Variants in MRC2 observed in about 807,000 individuals in gnomAD.
MRC2 encodes the protein C-type mannose receptor 2.
Under a neutral mutation model 206.2 loss-of-function variants are expected in MRC2, and 84 were observed. The ratio of observed to expected loss-of-function variants is 0.41; its 90% CI spans 0.34 to 0.49. The LOEUF (loss-of-function observed/expected upper bound fraction) is 0.49, where lower values mean the gene tolerates loss of function less well. Among genes scored for constraint, MRC2 ranks in the 20% least tolerant of loss-of-function variants. The pLI is 0.31. For missense variants in MRC2, 1,676 were observed against 2,001.5 expected, an observed-to-expected ratio of 0.84 and a Z score of 3.10; for synonymous variants, 798 against 800.0, an observed-to-expected ratio of 1.00 and a Z score of 0.04.
intron 1 of MRC2, among the ~76,000 whole-genome samples, chr17:62,640,286 G>A (rs879762740): frequency 3.3e-5 from 5 of 152,034 alleles, no homozygotes; most frequent in Admixed American, 2.0e-4. Context: ...TATTCATTCA[G>A]TTAACTGGTG....
intron 6 of MRC2, among the ~76,000 whole-genome samples, chr17:62,669,192 C>T (rs373574803): frequency 6.6e-6 from 1 of 151,802 alleles, no homozygotes; most frequent in East Asian, 1.9e-4. Context: ...GGAAGTCTTG[C>T]CAATGATCGA....
In MRC2 at chr17:62,627,883, C is replaced by G; in HGVS notation, c.81C>G (p.Leu27=). 6.8e-7 allele frequency: 1 copy of G among 1,473,080 alleles called. No homozygotes were observed. The highest frequency in any genetic ancestry group is 8.9e-7 in the Non-Finnish European group (1 of 1,118,730). 91.3% of individuals were successfully genotyped at this position (1,473,080 alleles called of 1,614,324 possible). Residue 27 remains leucine, a synonymous_variant, in exon 1 of 30, where the codon CTC becomes CTG. Transcript: ENST00000303375. ...TCCTGCTCCTCGGGTGCCTGCACCT[C>G]GGCCGTCCCGGCGCCCCTGGGGACG... The part of the protein sequence containing the change: ...RCVLLLGCLH[L]GRPGAPGDAA...
intron 2 of MRC2, among the ~76,000 whole-genome samples, chr17:62,665,401 T>TCCCC (rs11297640): frequency 7.7e-6 from 1 of 130,596 alleles, no homozygotes; most frequent in African/African-American, 3.2e-5. Context: ...CAAGACTCTG[T>TCCCC]CCCCCCCCCC....
chr17:62,680,666 C>G lies in MRC2; in HGVS notation c.2474-134C>G. The G allele has an allele frequency of 1.5e-6, 2 of 1,298,986 alleles. No homozygotes were observed. Among genetic ancestry groups the G allele is most frequent in the Non-Finnish European group, 2.0e-6 (2 of 977,320 alleles). The allele number at this position is 1,298,986 out of a possible 1,614,324, so 80.5% of individuals were successfully genotyped here. On this transcript the variant is annotated intron_variant, in intron 16 of 29. Transcript: ENST00000303375. This position sits in a 1 kb window ranked among gnomAD's most constrained non-coding sequence, Gnocchi z 4.8. ...TGGGGCCTGGGGCCTGGCACGGTGC[C>G]TGCCTGGGTCCGGTGTGCCTGCAGG...
intron 1 of MRC2, among the ~76,000 whole-genome samples, chr17:62,653,034 C>T (rs1056654524): frequency 6.6e-6 from 1 of 152,070 alleles, no homozygotes; most frequent in Non-Finnish European, 1.5e-5. Flanking sequence ...TGCCCGCCCC[C>T]GGGATGCTCG....
At chr17:62,674,217 G>T in intron 9 of MRC2, 47 bp downstream of exon 9, 1 of 1,376,310 alleles carries the variant, frequency 7.3e-7, no homozygotes, top group South Asian at 1.3e-5. Flanking sequence ...CCTGTCAGAG[G>T]GGCTACCAGG....
At chr17:62,689,024 C>A in intron 23 of MRC2, 64 bp downstream of exon 23, 2 of 1,318,284 alleles carry the variant, frequency 1.5e-6, no homozygotes, top group South Asian at 1.2e-5. Flanking sequence ...GATGCTGGGA[C>A]CATGCCAGGA....
chr17:62,637,938 C>CA (rs1363969890), intron 1 of MRC2, among the ~76,000 whole-genome samples: 11 of 152,178 alleles, frequency 7.2e-5, no homozygotes, highest in African/African-American at 2.4e-4. Context: ...CAATGGCACT[C>CA]ACGGGAGCCT....
chr17:62,674,281 G>A, intron 9 of MRC2, 111 bp downstream of exon 9: 5 of 737,770 alleles, frequency 6.8e-6, no homozygotes, highest in East Asian at 2.9e-5. Flanking sequence ...CCCTCTCGTC[G>A]GCACCCCCTT....
intron 1 of MRC2, among the ~76,000 whole-genome samples, chr17:62,663,673 A>T (rs1010789508): frequency 6.6e-6 from 1 of 152,168 alleles, no homozygotes; most frequent in Non-Finnish European, 1.5e-5. Context: ...GAAGCCAAAG[A>T]ATTAAATTGC....
rs2088978344 is a variant in MRC2 at position 62,682,320 on chromosome 17, C to T, written c.2889C>T (p.Asp963=). The T allele has an allele frequency of 3.7e-6, 6 of 1,607,666 alleles. No homozygotes were observed. The highest frequency in any genetic ancestry group is 2.2e-5 in the South Asian group (2 of 89,660). The part of the protein sequence containing the change: ...SNVTKETQPP[D]LPTTALGGCP... ...TCACCAAAGAAACGCAGCCCCCAGACCTGCCAACTACAGCCCTGGGGGGCT... is the reference window on the plus strand; with the variant it reads ...TCACCAAAGAAACGCAGCCCCCAGATCTGCCAACTACAGCCCTGGGGGGCT... Residue 963 remains aspartate, a synonymous_variant, in exon 20 of 30, where the codon GAC becomes GAT. Transcript: ENST00000303375.
In MRC2 at chr17:62,671,978, C is replaced by T. The variant is rs1375505486; in HGVS notation, c.1307-20C>T. 6.2e-7 allele frequency: 1 copy of T among 1,614,136 alleles called. No homozygotes were observed. On this transcript the variant is annotated intron_variant, in intron 7 of 29. Transcript: ENST00000303375. This position sits in a 1 kb window ranked among gnomAD's most constrained non-coding sequence, Gnocchi z 4.5. ...ACCTCTCAATGTTTTCTCTCCCCTC[C>T]TCTCCTGCTGCACCCCCAGAGGTGG...
intron 1 of MRC2, among the ~76,000 whole-genome samples, chr17:62,634,376 C>G (rs1444371531): frequency 6.6e-6 from 1 of 152,078 alleles, no homozygotes; most frequent in Non-Finnish European, 1.5e-5. Flanking sequence ...TCTTGGCTCA[C>G]TGCAACCTCT....
At position 62,690,310 on chromosome 17, in the gene MRC2, G is replaced by T; in HGVS notation, c.3892+5G>T. The T allele has an allele frequency of 6.2e-7, 1 of 1,608,300 alleles. No individual in the cohort carries two copies. The highest frequency in any genetic ancestry group is 8.5e-7 in the Non-Finnish European group (1 of 1,176,928). ...CGCGACAGCGCTGCCAGAGAGGTGGGTGACCAGGCCAGAGCCCACACATGG... is the reference window on the plus strand; with the variant it reads ...CGCGACAGCGCTGCCAGAGAGGTGGTTGACCAGGCCAGAGCCCACACATGG... On this transcript the variant is annotated splice_donor_5th_base_variant and intron_variant, in intron 26 of 29. Coordinates refer to ENST00000303375, the MANE Select transcript of MRC2 (RefSeq NM_006039.5).
rs955913238 is a variant in MRC2, at chr17:62,645,152, A to T, written c.118+17232A>T. ...TCTTTTTAAAAACTATAATGTTTCC[A>T]TATAATGTTTGTGTAACAAATGAGA... On this transcript the variant is annotated intron_variant, in intron 1 of 29. Coordinates refer to ENST00000303375, the MANE Select transcript of MRC2 (RefSeq NM_006039.5). Among the ~76,000 whole-genome samples the T allele has an allele frequency of 2.0e-5, 3 of 152,202 alleles. 1 individual carries two copies. Among genetic ancestry groups the T allele is most frequent in the Non-Finnish European group, 4.4e-5 (3 of 68,036 alleles).
chr17:62,640,715 C>G (rs888068135), intron 1 of MRC2, among the ~76,000 whole-genome samples: 1 of 149,872 alleles, frequency 6.7e-6, no homozygotes, highest in African/African-American at 2.5e-5. Context: ...GACAGAGTCT[C>G]GCTCTGTCGC....
In MRC2 at chr17:62,680,421, C is replaced by G; in HGVS notation, c.2441C>G (p.Thr814Arg). Residue 814 changes from threonine (T) to arginine (R), a missense_variant, in exon 16 of 30, where the codon ACG (threonine) becomes AGG (arginine). By Grantham distance (71) the Thr-to-Arg change is moderately conservative (BLOSUM62 -1). Around this residue, in one of 3 missense-constraint regions of MRC2, gnomAD observed 1,354 missense variants for 1,636.6 expected, o/e 0.83. Transcript: ENST00000303375. This position sits in a 1 kb window ranked among gnomAD's most constrained non-coding sequence, Gnocchi z 4.8. ...LDWICKIPRG[T>R]DVREPDDSPQ... Reference sequence around the variant, plus strand: ...GTCTTTGTCCTTGTTCCCCTAGGTACGGACGTGCGGGAGCCCGACGACAGC... The same window carrying G: ...GTCTTTGTCCTTGTTCCCCTAGGTAGGGACGTGCGGGAGCCCGACGACAGC... The G allele has an allele frequency of 6.2e-7, 1 of 1,614,100 alleles. No individual in the cohort carries two copies. Among genetic ancestry groups the G allele is most frequent in the South Asian group, 1.1e-5 (1 of 91,086 alleles).
chr17:62,689,716 C>A lies in MRC2; in HGVS notation c.3529C>A (p.Arg1177=). 6.4e-7 allele frequency: 1 copy of A among 1,566,914 alleles called. No homozygotes were observed. Residue 1177 remains arginine (R), a synonymous_variant, in exon 24 of 30, where the codon CGA becomes AGA. Coordinates refer to ENST00000303375, the MANE Select transcript of MRC2 (RefSeq NM_006039.5). The stretch of plus-strand genomic sequence containing the variant: ...CCAGGCCTTCCTCACGCAGGCTGCC[C>A]GAGGGCTGCGCACGCCGCTCTGGAT... ...YTQAFLTQAA[R]GLRTPLWIGL...
At chr17:62,673,986 G>A (rs1433512513) in intron 8 of MRC2, 77 bp from the exon 9 acceptor site, 4 of 1,175,954 alleles carry the variant, frequency 3.4e-6, no homozygotes, top group Non-Finnish European at 4.9e-6. Flanking sequence ...CCAGCTCTAG[G>A]AACCAGATTC....
Sources: allele counts gnomAD v4.1 joint callset (sites outside exome capture counted in the v4.1 genomes callset), GRCh38; gene constraint gnomAD v4.1.1; regional missense constraint gnomAD v4.1.1; non-coding constraint Gnocchi (gnomAD v3.1); transcripts MANE v1.5; gene names NCBI Gene and HGNC (gene_info 2026-07-23, HGNC 2026-07-21).